Variants in MYO16 observed in about 807,000 individuals in gnomAD.
MYO16 encodes the protein unconventional myosin-XVI.
MYO16 carries 94 observed loss-of-function variants against 205.3 expected under a neutral mutation model. That is an observed-to-expected ratio of 0.46 (90% CI 0.39 to 0.54). The LOEUF (loss-of-function observed/expected upper bound fraction) is 0.54, where lower values mean the gene tolerates loss of function less well. Among genes scored for constraint, MYO16 ranks in the 20% least tolerant of loss-of-function variants. The pLI, the probability that MYO16 is intolerant of heterozygous loss-of-function variation, is 0.00. For synonymous variants in MYO16, 988 were observed against 954.0 expected, an observed-to-expected ratio of 1.04 and a Z score of -0.66; for missense variants, 2,315 against 2,387.5, an observed-to-expected ratio of 0.97 and a Z score of 0.63.
rs572359887 is a variant in MYO16 at position 109,141,395 on chromosome 13, C to T, written c.5164+19C>T. 2.1e-6 allele frequency: 3 copies of T among 1,430,870 alleles called. No homozygotes were observed. Among genetic ancestry groups the T allele is most frequent in the Non-Finnish European group, 2.8e-6 (3 of 1,081,356 alleles). 88.6% of individuals were successfully genotyped at this position (1,430,870 alleles called of 1,614,324 possible). ...GCAGAAGGTAAGCGGAGCAGACATC[C>T]CCCCACTCCTTTTGCATGGACGCTG... On this transcript the variant is annotated intron_variant, in intron 32 of 34. Transcript: ENST00000457511. The surrounding 1 kb of genome is among the most constrained non-coding windows in gnomAD (Gnocchi z 4.1).
chr13:108,872,127 G>A (rs1024729546), intron 12 of MYO16, among the ~76,000 whole-genome samples: 6 of 152,086 alleles, frequency 3.9e-5, no homozygotes, highest in Admixed American at 2.0e-4. Flanking sequence ...AGAGAGAAAC[G>A]CACCCAATTT....
chr13:108,740,368 T>C (rs1286497166), intron 4 of MYO16, among the ~76,000 whole-genome samples: 1 of 152,200 alleles, frequency 6.6e-6, no homozygotes, highest in Non-Finnish European at 1.5e-5. Context: ...GGACTCTCAG[T>C]TGCAGGTCTG....
chr13:108,594,267 C>T (rs559723280), upstream of MYO16, among the ~76,000 whole-genome samples: 1 of 152,324 alleles, frequency 6.6e-6, no homozygotes, highest in East Asian at 1.9e-4. Context: ...TCTAAAATTA[C>T]CTAACACAAG....
intron 16 of MYO16, among the ~76,000 whole-genome samples, chr13:108,955,835 A>T (rs1478094516): frequency 6.6e-6 from 1 of 152,208 alleles, no homozygotes; most frequent in Non-Finnish European, 1.5e-5. Context: ...TGGGCAACAG[A>T]GGGAGATTCT....
chr13:108,525,097 C>T, the MYO16 span, among the ~76,000 whole-genome samples: 1 of 152,134 alleles, frequency 6.6e-6, no homozygotes, highest in Non-Finnish European at 1.5e-5. Flanking sequence ...ACTCAACACA[C>T]AGACTTTACC....
In MYO16 at chr13:109,011,655, C is replaced by A. The variant is rs933282738; in HGVS notation, c.2595+2606C>A. Among the ~76,000 whole-genome samples, 4 of 152,088 alleles carry A rather than the reference C, an allele frequency of 2.6e-5. No homozygotes were observed. The South Asian group carries it at 6.2e-4, about 24-fold the overall frequency. On this transcript the variant is annotated intron_variant, in intron 22 of 34. Coordinates refer to ENST00000457511, the MANE Select transcript of MYO16 (RefSeq NM_001198950.3). ...TCAGCCACCTGAGTAGCTGGAACTA[C>A]AGGTGTGTGCCACCACACCTGGCTA...
At chr13:108,807,083 T>C (rs1438884405) in intron 7 of MYO16, among the ~76,000 whole-genome samples, 1 of 152,230 alleles carries the variant, frequency 6.6e-6, no homozygotes, top group African/African-American at 2.4e-5. Flanking sequence ...GTTTTTCATA[T>C]TATATAGACT....
At chr13:109,031,830 T>C (rs1214620711) in intron 23 of MYO16, among the ~76,000 whole-genome samples, 1 of 152,200 alleles carries the variant, frequency 6.6e-6, no homozygotes, top group Non-Finnish European at 1.5e-5. Flanking sequence ...GTCATTTATT[T>C]GCTTTACTTG....
intron 21 of MYO16, among the ~76,000 whole-genome samples, chr13:108,997,792 C>T (rs191817435): frequency 1.3e-4 from 20 of 152,152 alleles, no homozygotes; most frequent in Non-Finnish European, 2.4e-4. Flanking sequence ...GAGCGGAGAT[C>T]GCACCACCGT....
the MYO16 span, among the ~76,000 whole-genome samples, chr13:108,560,779 A>T: frequency 6.6e-6 from 1 of 152,212 alleles, no homozygotes; most frequent in Non-Finnish European, 1.5e-5. Context: ...TACATTTTGC[A>T]TTGAATAGTA....
At chr13:108,572,770 C>A in the MYO16 span, among the ~76,000 whole-genome samples, 4,993 of 152,160 alleles carry the variant, frequency 0.033, 249 homozygotes, top group African/African-American at 0.11. Context: ...CTAGATCTAT[C>A]GGTATATTTG....
At chr13:109,072,975 G>A (rs1887972764) in intron 27 of MYO16, among the ~76,000 whole-genome samples, 1 of 152,050 alleles carries the variant, frequency 6.6e-6, no homozygotes, top group Non-Finnish European at 1.5e-5. Context: ...ACAGCTAATT[G>A]AGTGCCCTTG....
the MYO16 span, among the ~76,000 whole-genome samples, chr13:108,542,402 C>T: frequency 6.6e-6 from 1 of 152,192 alleles, no homozygotes; most frequent in Non-Finnish European, 1.5e-5. Context: ...AATCTGTAAA[C>T]CAACCCCCAA....
At chr13:108,937,311 T>C (rs1243259608) in intron 16 of MYO16, among the ~76,000 whole-genome samples, 1 of 152,116 alleles carries the variant, frequency 6.6e-6, no homozygotes, top group Non-Finnish European at 1.5e-5. Flanking sequence ...TTCTTTAGTA[T>C]TGATTTTGGT....
chr13:108,726,571 AAG>A (rs1884347119), intron 3 of MYO16, among the ~76,000 whole-genome samples: 1 of 50,184 alleles, frequency 2.0e-5, no homozygotes. Context: ...AAAAAAAAAA[AAG>A]AAAAAGAAAA....
chr13:108,619,531 AATGT>A (rs1476455547), intron 1 of MYO16, among the ~76,000 whole-genome samples: 1 of 152,118 alleles, frequency 6.6e-6, no homozygotes, highest in African/African-American at 2.4e-5. Flanking sequence ...AGTAAACATC[AATGT>A]AGCAGCATCA....
intron 21 of MYO16, among the ~76,000 whole-genome samples, chr13:109,001,191 A>AG (rs1326039962): frequency 4.0e-5 from 6 of 151,674 alleles, no homozygotes. Flanking sequence ...TAAAAAAAAA[A>AG]AAAGAAAAGG....
chr13:108,723,807 C>G (rs1175143799), intron 3 of MYO16, among the ~76,000 whole-genome samples: 1 of 151,968 alleles, frequency 6.6e-6, no homozygotes, highest in East Asian at 1.9e-4. Context: ...ATTTTAGGTC[C>G]TTTGCATTAA....
chr13:108,613,021 T>TTA (rs1879230620), intron 1 of MYO16, among the ~76,000 whole-genome samples: 2 of 152,080 alleles, frequency 1.3e-5, no homozygotes, highest in South Asian at 4.1e-4. Flanking sequence ...GGAGCTGAGA[T>TTA]GAGAGAGACA....
Sources: allele counts gnomAD v4.1 joint callset (sites outside exome capture counted in the v4.1 genomes callset), GRCh38; gene constraint gnomAD v4.1.1; non-coding constraint Gnocchi (gnomAD v3.1); transcripts MANE v1.5; gene names NCBI Gene and HGNC (gene_info 2026-07-23, HGNC 2026-07-21).